The following SMC6 variants were observed in gnomAD, a reference collection of about 807,000 sequenced individuals.
SMC6 encodes structural maintenance of chromosomes 6, also known as structural maintenance of chromosomes protein 6.
A neutral mutation model predicts 142.2 loss-of-function variants in SMC6; 79 were observed. That is an observed-to-expected ratio of 0.56 (90% CI 0.46 to 0.67). The LOEUF (loss-of-function observed/expected upper bound fraction) is 0.67, where lower values mean the gene tolerates loss of function less well. Among genes scored for constraint, SMC6 ranks in the 30% least tolerant of loss-of-function variants. The pLI, the probability that SMC6 is intolerant of heterozygous loss-of-function variation, is 0.00. For missense variants in SMC6, 1,072 were observed against 1,284.0 expected, an observed-to-expected ratio of 0.83 and a Z score of 2.52; for synonymous variants, 411 against 412.4, an observed-to-expected ratio of 1.00 and a Z score of 0.04.
At chr2:17,674,104 T>G (rs1422430283) in intron 25 of SMC6, among the ~76,000 whole-genome samples, 2 of 152,168 alleles carry the variant, frequency 1.3e-5, no homozygotes, top group Non-Finnish European at 2.9e-5. Context: ...TACTTGAATT[T>G]ATAATAGGCT....
Position 17,738,259 on chromosome 2 carries a change from T to G in SMC6, c.306A>C (p.Arg102Ser), listed in dbSNP as rs1450699118. The change falls in exon 5 of 28, where the codon AGA becomes AGC. Residue 102 changes from arginine (R) to serine (S), a missense_variant. By Grantham distance (110) the Arg-to-Ser change is moderately radical. Around this residue, in one of 3 missense-constraint regions of SMC6, gnomAD observed 994 missense variants for 1,153.2 expected, o/e 0.86. Transcript: ENST00000448223. ...GLGGRAVATN[R>S]GSSLKGFVKD... Reference sequence around the variant, plus strand: ...TCACAAAACCTTTTAAAGAGGATCCTCTATTAGTAGCAACTGCTCTTCCAC... The same window carrying G: ...TCACAAAACCTTTTAAAGAGGATCCGCTATTAGTAGCAACTGCTCTTCCAC... 6.2e-7 allele frequency: 1 copy of G among 1,613,670 alleles called. No individual in the cohort carries two copies. The highest frequency in any genetic ancestry group is 8.5e-7 in the Non-Finnish European group (1 of 1,179,908).
Position 17,664,479 on chromosome 2 carries a change from T to G in SMC6, c.*1020A>C, listed in dbSNP as rs182815794. 8.5e-5 allele frequency: 13 copies of G among 152,348 alleles called. No individual in the cohort carries two copies. The highest frequency in any genetic ancestry group is 1.5e-4 in the Non-Finnish European group (10 of 68,032). 9.4% of individuals were successfully genotyped at this position (152,348 alleles called of 1,614,324 possible). On this transcript the variant is annotated 3_prime_UTR_variant, in exon 28 of 28. Coordinates refer to ENST00000448223, the MANE Select transcript of SMC6 (RefSeq NM_001142286.2). ...TATTTATTGCTACTAATGTAAGGAA[T>G]GCTTCTTGATATCCAATACATTCTT...
At chr2:17,701,551 C>T (rs1276990266) in intron 20 of SMC6, among the ~76,000 whole-genome samples, 1 of 152,056 alleles carries the variant, frequency 6.6e-6, no homozygotes, top group Non-Finnish European at 1.5e-5. Context: ...GTTTGATGGG[C>T]CCTTGTTTAG....
chr2:17,726,336 T>C (rs1669622796), intron 8 of SMC6, 53 bp downstream of exon 8: 1 of 1,374,584 alleles, frequency 7.3e-7, no homozygotes, highest in Non-Finnish European at 1.0e-6. Flanking sequence ...GTTTACAATA[T>C]GCCTAAAGGT....
intron 6 of SMC6, 125 bp downstream of exon 6, chr2:17,731,612 GTGTA>G: frequency 3.5e-5 from 29 of 825,026 alleles, no homozygotes; most frequent in Non-Finnish European, 4.2e-5. Context: ...GTGTGTGTGT[GTGTA>G]TATATATATG....
intron 4 of SMC6, among the ~76,000 whole-genome samples, chr2:17,739,845 G>GAGACAC (rs780449781): frequency 9.1e-6 from 1 of 110,486 alleles, no homozygotes; most frequent in Non-Finnish European, 1.9e-5. Flanking sequence ...CACACACACA[G>GAGACAC]ACACACACAC....
intron 20 of SMC6, among the ~76,000 whole-genome samples, chr2:17,700,635 CATTCT>C (rs1286644205): frequency 6.6e-6 from 1 of 152,256 alleles, no homozygotes; most frequent in African/African-American, 2.4e-5. Flanking sequence ...GAATGACTTT[CATTCT>C]ATTCATTTTT....
At chr2:17,738,133 T>A in intron 5 of SMC6, 88 bp downstream of exon 5, 1 of 946,242 alleles carries the variant, frequency 1.1e-6, no homozygotes, top group Non-Finnish European at 1.6e-6. Flanking sequence ...GCACTTCATT[T>A]CCAGTCATGT....
intron 26 of SMC6, among the ~76,000 whole-genome samples, chr2:17,669,689 C>T (rs1666665167): frequency 1.3e-5 from 2 of 152,144 alleles, no homozygotes. Flanking sequence ...CTTTGCTAAA[C>T]AAGTTTTGCT....
At chr2:17,724,136 T>C (rs1274852164) in intron 9 of SMC6, among the ~76,000 whole-genome samples, 1 of 151,588 alleles carries the variant, frequency 6.6e-6, no homozygotes, top group African/African-American at 2.4e-5. Context: ...AAATGTAATA[T>C]ATAGTAGGTA....
At position 17,714,972 on chromosome 2, in the gene SMC6, G is replaced by T. The variant is rs1253264818; in HGVS notation, c.1619C>A (p.Ala540Asp). Reference sequence around the variant, plus strand: ...GAGTGCCTGAAGGACCCTTTCATCAGCATGATTATGGCAACAATAGGCCTG... The same window carrying T: ...GAGTGCCTGAAGGACCCTTTCATCATCATGATTATGGCAACAATAGGCCTG... ...LLQAYCCHNHADERVLQALMK... is the reference protein window; with the variant it reads ...LLQAYCCHNHDDERVLQALMK... The change falls in exon 16 of 28, where the codon GCT (alanine) becomes GAT (aspartate). Residue 540 changes from alanine to aspartate, a missense_variant. Ala to Asp is a moderately radical substitution (Grantham distance 126, BLOSUM62 -2). Around this residue, in one of 3 missense-constraint regions of SMC6, gnomAD observed 994 missense variants for 1,153.2 expected, o/e 0.86. Transcript: ENST00000448223. The T allele has an allele frequency of 6.2e-7, 1 of 1,613,960 alleles. No homozygotes were observed. The highest frequency in any genetic ancestry group is 1.1e-5 in the South Asian group (1 of 91,076).
At chr2:17,689,191 C>A (rs1284935066) in intron 23 of SMC6, among the ~76,000 whole-genome samples, 1 of 152,060 alleles carries the variant, frequency 6.6e-6, no homozygotes, top group East Asian at 1.9e-4. Context: ...ATGTGATACC[C>A]AGAAAACGAT....
chr2:17,722,699 A>T (rs1007344003), intron 9 of SMC6, among the ~76,000 whole-genome samples: 1 of 152,178 alleles, frequency 6.6e-6, no homozygotes, highest in South Asian at 2.1e-4. Flanking sequence ...ACCACATGGT[A>T]TATCTCACAG....
At chr2:17,665,822 G>A (rs1177770754) in intron 27 of SMC6, among the ~76,000 whole-genome samples, 1 of 152,112 alleles carries the variant, frequency 6.6e-6, no homozygotes, top group African/African-American at 2.4e-5. Context: ...TAGATCCCAT[G>A]GGTTTTCAGT....
chr2:17,707,943 T>C (rs1668628808), intron 17 of SMC6, among the ~76,000 whole-genome samples: 1 of 151,556 alleles, frequency 6.6e-6, no homozygotes. Context: ...CATTCTAAAA[T>C]ATGAGTAGAA....
intron 11 of SMC6, among the ~76,000 whole-genome samples, chr2:17,718,963 T>C (rs1336979077): frequency 6.6e-6 from 1 of 152,146 alleles, no homozygotes; most frequent in African/African-American, 2.4e-5. Context: ...GGAAAAGATT[T>C]CAGTAAGAAG....
chr2:17,684,346 A>G (rs1279475340), intron 23 of SMC6, among the ~76,000 whole-genome samples: 2 of 152,234 alleles, frequency 1.3e-5, no homozygotes, highest in South Asian at 2.1e-4. Context: ...CCTTCAAATA[A>G]CTGGCCCAGG....
At position 17,718,089 on chromosome 2, in the gene SMC6, A is replaced by T. The variant is rs1280747970; in HGVS notation, c.1080T>A (p.Tyr360Ter). Residue 360 changes from tyrosine to a stop codon, truncating the protein, a stop_gained, in exon 12 of 28, where the codon TAT (tyrosine) becomes TAA (stop). Coordinates refer to ENST00000448223, the MANE Select transcript of SMC6 (RefSeq NM_001142286.2). LOFTEE classifies it high-confidence loss of function. ...KADVVAKKRA[Y>*]NEAEVLYNRS... The stretch of plus-strand genomic sequence containing the variant: ...AAATTTATCTCACCTCAGCTTCATT[A>T]TAGGCCCTTTTCTTAGCAACAACAT... The T allele has an allele frequency of 1.9e-6, 3 of 1,607,740 alleles. No individual in the cohort carries two copies. Among genetic ancestry groups the T allele is most frequent in the Non-Finnish European group, 2.5e-6 (3 of 1,176,964 alleles).
At chr2:17,750,202 G>C (rs1396882718) in intron 2 of SMC6, among the ~76,000 whole-genome samples, 1 of 152,118 alleles carries the variant, frequency 6.6e-6, no homozygotes, top group African/African-American at 2.4e-5. Flanking sequence ...GAAGATAGAT[G>C]AAACAGAAAG....
Sources: gnomAD v4.1 joint callset for allele counts (sites outside exome capture counted in the v4.1 genomes callset) on GRCh38, gnomAD v4.1.1 for gene constraint, gnomAD v4.1.1 regional missense constraint, MANE v1.5 for transcripts, NCBI Gene and HGNC (gene_info 2026-07-23, HGNC 2026-07-21) for gene names.